TPO: variants seen among roughly 807,000 people sequenced by gnomAD.
TPO encodes thyroid microsomal antigen.
A neutral mutation model predicts 96.9 loss-of-function variants in TPO; 78 were observed. The observed-to-expected ratio is 0.81, with a 90% CI of 0.67 to 0.97. The LOEUF (loss-of-function observed/expected upper bound fraction) is 0.97. Ranked by LOEUF, TPO falls within the 50% of genes least tolerant of loss-of-function variation. TPO has a pLI of 0.00. For missense variants in TPO, 1,252 were observed against 1,274.8 expected, an observed-to-expected ratio of 0.98 and a Z score of 0.27; for synonymous variants, 547 against 538.0, an observed-to-expected ratio of 1.02 and a Z score of -0.23.
chr2:1,463,583 A>G (rs369401006), intron 7 of TPO, among the ~76,000 whole-genome samples: 2 of 152,222 alleles, frequency 1.3e-5, no homozygotes, highest in African/African-American at 2.4e-5. Context: ...ACACGAGACT[A>G]TAAATTAAAG....
At chr2:1,531,717 C>T (rs2082271659) in intron 15 of TPO, among the ~76,000 whole-genome samples, 1 of 78,844 alleles carries the variant, frequency 1.3e-5, no homozygotes, top group African/African-American at 4.8e-5. Context: ...CAAATCCCCC[C>T]CACTCTCTGC....
intron 8 of TPO, among the ~76,000 whole-genome samples, chr2:1,483,254 T>G (rs1670813525): frequency 6.6e-6 from 1 of 152,222 alleles, no homozygotes; most frequent in Admixed American, 6.5e-5. Context: ...CTGCTGAACC[T>G]GAGGCTCAGG....
chr2:1,509,084 T>C (rs1673790535), intron 14 of TPO, among the ~76,000 whole-genome samples: 1 of 152,258 alleles, frequency 6.6e-6, no homozygotes, highest in South Asian at 2.1e-4. Flanking sequence ...TGGTATGTTG[T>C]GTCTTTGTTC....
chr2:1,418,588 C>T (rs1008852748), intron 2 of TPO, among the ~76,000 whole-genome samples: 1 of 152,226 alleles, frequency 6.6e-6, no homozygotes, highest in African/African-American at 2.4e-5. Context: ...ATCAATCCCT[C>T]CTCTAACGCC....
chr2:1,415,614 T>C (rs981382702), intron 2 of TPO, among the ~76,000 whole-genome samples: 2 of 146,534 alleles, frequency 1.4e-5, no homozygotes, highest in Non-Finnish European at 3.0e-5. Flanking sequence ...ACTGGGCAGG[T>C]CCCTGGGCCT....
intron 15 of TPO, among the ~76,000 whole-genome samples, chr2:1,533,064 A>T (rs1473330171): frequency 5.2e-5 from 6 of 114,354 alleles, no homozygotes; most frequent in African/African-American, 2.2e-4. Context: ...CAACCTCCTC[A>T]AATCCCCCTA....
chr2:1,405,422 A>G (rs993669123), intron 1 of TPO, among the ~76,000 whole-genome samples: 3 of 150,620 alleles, frequency 2.0e-5, no homozygotes, highest in African/African-American at 7.4e-5. Flanking sequence ...CCACCCATCC[A>G]TCCATTCTTC....
At chr2:1,397,616 T>C (rs1662102521) in intron 1 of TPO, among the ~76,000 whole-genome samples, 1 of 152,196 alleles carries the variant, frequency 6.6e-6, no homozygotes. Context: ...CATTCTAGTC[T>C]GTGCTGGAGT....
intron 15 of TPO, among the ~76,000 whole-genome samples, chr2:1,533,805 G>C (rs1405056788): frequency 2.3e-4 from 6 of 26,110 alleles, no homozygotes; most frequent in African/African-American, 3.2e-4. Flanking sequence ...TGTGTGCAAC[G>C]TCCCCAAATC....
chr2:1,449,672 T>C (rs1448053897), intron 5 of TPO, among the ~76,000 whole-genome samples: 3 of 151,788 alleles, frequency 2.0e-5, no homozygotes, highest in Non-Finnish European at 1.5e-5. Context: ...TGACGTCAAA[T>C]AAATGTATTA....
chr2:1,516,356 C>T (rs937517642), intron 14 of TPO, among the ~76,000 whole-genome samples: 10 of 152,250 alleles, frequency 6.6e-5, no homozygotes, highest in African/African-American at 2.4e-4. Flanking sequence ...CCCCCCAGGG[C>T]TCCAGCTCTG....
Position 1,488,086 on chromosome 2 carries a change from C to A in TPO, c.1768+95C>A, listed in dbSNP as rs529631755. The A allele has an allele frequency of 7.6e-6, 12 of 1,570,792 alleles. No homozygotes were observed. The South Asian group carries it at 1.3e-4, about 18-fold the overall frequency. On this transcript the variant is annotated intron_variant, in intron 10 of 16. Transcript: ENST00000329066. ...CTAGAGAGACTGATTTAGAGGAAAACAATCACAAATCTGAGGCCTTCTAAG... is the reference window on the plus strand; with the variant it reads ...CTAGAGAGACTGATTTAGAGGAAAAAAATCACAAATCTGAGGCCTTCTAAG...
At chr2:1,489,624 C>T (rs1671523716) in intron 10 of TPO, among the ~76,000 whole-genome samples, 2 of 151,264 alleles carry the variant, frequency 1.3e-5, no homozygotes, top group South Asian at 4.2e-4. Context: ...TCGACTGGCA[C>T]AGAACAGGCA....
chr2:1,422,970 G>C, intron 2 of TPO, 75 bp from the exon 3 acceptor site: 2 of 1,526,232 alleles, frequency 1.3e-6, no homozygotes, highest in South Asian at 2.3e-5. Flanking sequence ...AGATGGGCTT[G>C]AGGAACAAAG....
At chr2:1,537,800 A>G (rs1365141364) in intron 15 of TPO, among the ~76,000 whole-genome samples, 12 of 99,840 alleles carry the variant, frequency 1.2e-4, no homozygotes, top group Admixed American at 3.4e-4. Flanking sequence ...ATTGTGAGCA[A>G]TGTCCCCAAA....
intron 1 of TPO, among the ~76,000 whole-genome samples, chr2:1,380,373 G>A (rs181369808): frequency 2.9e-4 from 40 of 138,610 alleles, no homozygotes; most frequent in Non-Finnish European, 3.9e-4. Flanking sequence ...CAGCCTGGGC[G>A]ACAGAGCGAG....
At chr2:1,501,202 AC>A (rs1230577033) in intron 13 of TPO, among the ~76,000 whole-genome samples, 1 of 150,912 alleles carries the variant, frequency 6.6e-6, no homozygotes, top group Non-Finnish European at 1.5e-5. Context: ...CTGTGCACTC[AC>A]TGCATGTGGA....
chr2:1,527,894 G>GCAACCTCCTCAAATCCCCCCACTGTGTT (rs1676990583), intron 15 of TPO, among the ~76,000 whole-genome samples: 1 of 76,472 alleles, frequency 1.3e-5, no homozygotes, highest in Non-Finnish European at 2.4e-5. Flanking sequence ...CCCACTGCGT[G>GCAACCTCCTCAAATCCCCCCACTGTGTT]CAACCTCCTC....
At chr2:1,475,433 CT>C (rs887405277) in intron 7 of TPO, among the ~76,000 whole-genome samples, 11 of 144,764 alleles carry the variant, frequency 7.6e-5, no homozygotes, top group African/African-American at 2.5e-4. Context: ...TTTCTTTTTT[CT>C]TTTTTTTGAG....
Sources: gnomAD v4.1 joint callset for allele counts (sites outside exome capture counted in the v4.1 genomes callset) on GRCh38, gnomAD v4.1.1 for gene constraint, MANE v1.5 for transcripts, NCBI Gene and HGNC (gene_info 2026-07-23, HGNC 2026-07-21) for gene names.